Variants in DNAJC1 observed in about 807,000 individuals in gnomAD.
DNAJC1 encodes dnaJ homolog subfamily C member 1.
Under a neutral mutation model 76.6 loss-of-function variants are expected in DNAJC1, and 58 were observed. The ratio of observed to expected loss-of-function variants is 0.76; its 90% CI spans 0.61 to 0.94. DNAJC1 has a LOEUF of 0.94. DNAJC1 is among the 40% of genes least tolerant of loss of function. DNAJC1 has a pLI of 0.00. For synonymous variants in DNAJC1, 258 were observed against 267.9 expected (o/e 0.96, Z 0.36); for missense variants, 689 against 677.3 (o/e 1.02, Z -0.19).
At chr10:21,809,514 A>G (rs1235427662) in intron 8 of DNAJC1, among the ~76,000 whole-genome samples, 3 of 151,342 alleles carry the variant, frequency 2.0e-5, no homozygotes, top group African/African-American at 7.3e-5. Context: ...CAGTTAATAT[A>G]TAACACATTA....
chr10:21,812,748 T>G (rs1330439298), intron 8 of DNAJC1, among the ~76,000 whole-genome samples: 5 of 152,106 alleles, frequency 3.3e-5, no homozygotes, highest in African/African-American at 1.2e-4. Context: ...CTTTAACTTT[T>G]ACTTTGAAAT....
chr10:21,809,217 A>G (rs1427046237), intron 8 of DNAJC1, among the ~76,000 whole-genome samples: 1 of 152,108 alleles, frequency 6.6e-6, no homozygotes, highest in African/African-American at 2.4e-5. Flanking sequence ...AAAGCATCAT[A>G]TAATTTATTT....
chr10:21,817,963 C>T (rs1835101603), intron 8 of DNAJC1, among the ~76,000 whole-genome samples: 1 of 152,082 alleles, frequency 6.6e-6, no homozygotes, highest in African/African-American at 2.4e-5. Context: ...GCGTTAACTG[C>T]ACAAATTGTT....
intron 8 of DNAJC1, among the ~76,000 whole-genome samples, chr10:21,843,140 T>C (rs1835599844): frequency 3.3e-5 from 5 of 152,218 alleles, no homozygotes; most frequent in Admixed American, 3.3e-4. Flanking sequence ...AAATGTCTCA[T>C]GAATTGAAAT....
At chr10:21,880,528 T>C (rs1045985668) in intron 8 of DNAJC1, among the ~76,000 whole-genome samples, 4 of 152,188 alleles carry the variant, frequency 2.6e-5, no homozygotes, top group African/African-American at 9.6e-5. Context: ...GGTATGGGCA[T>C]ATAGACAATG....
intron 3 of DNAJC1, among the ~76,000 whole-genome samples, chr10:21,924,654 G>A (rs1337297126): frequency 1.3e-5 from 2 of 152,166 alleles, no homozygotes; most frequent in African/African-American, 4.8e-5. Flanking sequence ...TGCTAAGCTA[G>A]GTTTTCTTAC....
chr10:21,952,002 G>T (rs1404266026), intron 1 of DNAJC1, among the ~76,000 whole-genome samples: 1 of 152,132 alleles, frequency 6.6e-6, no homozygotes, highest in Non-Finnish European at 1.5e-5. Flanking sequence ...TGATTAGCAA[G>T]CAAATTATGC....
intron 8 of DNAJC1, among the ~76,000 whole-genome samples, chr10:21,876,813 T>A (rs1039656620): frequency 1.3e-5 from 2 of 152,176 alleles, no homozygotes; most frequent in African/African-American, 2.4e-5. Flanking sequence ...TTAAAATAAT[T>A]TGTAGCAGGC....
chr10:21,782,119 A>G (rs1834537919), intron 9 of DNAJC1, among the ~76,000 whole-genome samples: 2 of 152,230 alleles, frequency 1.3e-5, no homozygotes. Context: ...GGTTTTTTGA[A>G]AAGATCAACA....
chr10:21,898,212 G>A (rs1836577311), intron 7 of DNAJC1, among the ~76,000 whole-genome samples: 1 of 152,136 alleles, frequency 6.6e-6, no homozygotes, highest in South Asian at 2.1e-4. Flanking sequence ...ATAAATCAAT[G>A]AAGATATAAA....
chr10:21,757,011 C>T (rs1834183405), intron 11 of DNAJC1, among the ~76,000 whole-genome samples: 1 of 152,196 alleles, frequency 6.6e-6, no homozygotes, highest in Admixed American at 6.5e-5. Flanking sequence ...GTTTGTGAGG[C>T]GTACTAGCAT....
rs149071176 is a variant in DNAJC1 at position 21,911,860 on chromosome 10, G to A, written c.729+6919C>T. On this transcript the variant is annotated intron_variant, in intron 6 of 11. Transcript: ENST00000376980. ...CAGTAAATTACATGGGATATTCAGC[G>A]CTTTTTAAAAATAAAATAGGCTTTG... is the stretch of plus-strand genomic sequence containing the variant. Among the ~76,000 whole-genome samples, 8 of 152,126 alleles carry A rather than the reference G, an allele frequency of 5.3e-5. No individual in the cohort carries two copies. In the East Asian group the frequency reaches 7.7e-4, roughly 15 times the overall value.
chr10:21,885,109 C>T (rs1232598704), intron 7 of DNAJC1, among the ~76,000 whole-genome samples: 1 of 152,160 alleles, frequency 6.6e-6, no homozygotes, highest in East Asian at 1.9e-4. Context: ...GGCATGCTGT[C>T]TTCAAGAGAC....
chr10:21,834,502 C>G (rs1050280364), intron 8 of DNAJC1, among the ~76,000 whole-genome samples: 5 of 152,146 alleles, frequency 3.3e-5, no homozygotes, highest in East Asian at 1.9e-4. Flanking sequence ...GCACCGTACG[C>G]GAGCCGAAGC....
rs113412586 is a variant in DNAJC1, at chr10:21,807,533, C to G, written c.979-1434G>C. 2.2e-4 allele frequency among the ~76,000 whole-genome samples: 34 copies of G among 152,314 alleles called. 1 individual carries two copies. The highest frequency in any genetic ancestry group is 7.9e-4 in the African/African-American group (33 of 41,572). On this transcript the variant is annotated intron_variant, in intron 8 of 11. Transcript: ENST00000376980. ...CTGTTAAAGGGCTTTCCGAAAGGCTCTCCCATTTGCATTCATTTGCAAAGC... is the reference window on the plus strand; with the variant it reads ...CTGTTAAAGGGCTTTCCGAAAGGCTGTCCCATTTGCATTCATTTGCAAAGC...
chr10:21,907,029 AT>A (rs1836757494), intron 6 of DNAJC1, among the ~76,000 whole-genome samples: 1 of 152,042 alleles, frequency 6.6e-6, no homozygotes, highest in Non-Finnish European at 1.5e-5. Flanking sequence ...TTCTCACTTC[AT>A]TTTGCTGTAT....
At chr10:21,969,926 T>A (rs1234722958) in intron 1 of DNAJC1, among the ~76,000 whole-genome samples, 1 of 152,134 alleles carries the variant, frequency 6.6e-6, no homozygotes, top group Admixed American at 6.5e-5. Context: ...ACTTTCCCAA[T>A]TTTTTCAGAT....
chr10:21,906,191 T>G (rs1836743095), intron 6 of DNAJC1, among the ~76,000 whole-genome samples: 1 of 152,120 alleles, frequency 6.6e-6, no homozygotes, highest in African/African-American at 2.4e-5. Flanking sequence ...TGTTCCTACC[T>G]CATTTCTATG....
At chr10:21,899,850 G>A (rs1236131168) in intron 7 of DNAJC1, among the ~76,000 whole-genome samples, 1 of 152,176 alleles carries the variant, frequency 6.6e-6, no homozygotes, top group Non-Finnish European at 1.5e-5. Context: ...TGAGTCTGCT[G>A]AACCGCAGAG....
Sources: allele counts gnomAD v4.1 joint callset (sites outside exome capture counted in the v4.1 genomes callset), GRCh38; gene constraint gnomAD v4.1.1; transcripts MANE v1.5; gene names NCBI Gene and HGNC (gene_info 2026-07-23, HGNC 2026-07-21).